Variants in STT3B observed in about 807,000 individuals in gnomAD.
The protein encoded by STT3B is dolichyl-diphosphooligosaccharide--protein glycosyltransferase subunit STT3B.
In STT3B, 29 loss-of-function variants were observed where a neutral mutation model predicts 96.8. That is an observed-to-expected ratio of 0.30 (90% CI 0.22 to 0.41). STT3B has a LOEUF of 0.41. STT3B is among the 10% of genes least tolerant of loss of function. The pLI is 1.00. For synonymous variants in STT3B, 367 were observed against 360.0 expected (o/e 1.02, Z -0.22); for missense variants, 640 against 1,022.3 (o/e 0.63, Z 5.10).
At chr3:31,550,961 A>G (rs1697539541) in intron 1 of STT3B, among the ~76,000 whole-genome samples, 1 of 152,072 alleles carries the variant, frequency 6.6e-6, no homozygotes, top group Non-Finnish European at 1.5e-5. Flanking sequence ...CTCTGTCCCT[A>G]TTAGTGCTGA....
At chr3:31,561,455 T>C (rs754512344) in intron 1 of STT3B, among the ~76,000 whole-genome samples, 6 of 152,144 alleles carry the variant, frequency 3.9e-5, no homozygotes, top group Non-Finnish European at 8.8e-5. Flanking sequence ...TTTTAAAATA[T>C]ACAGTTAGGT....
At chr3:31,628,432 A>G (rs1206274455) in intron 13 of STT3B, among the ~76,000 whole-genome samples, 1 of 152,150 alleles carries the variant, frequency 6.6e-6, no homozygotes, top group Non-Finnish European at 1.5e-5. Flanking sequence ...ACCTGTCACC[A>G]TTGATGGAAT....
intron 14 of STT3B, 47 bp from the exon 15 acceptor site, chr3:31,632,888 A>T: frequency 6.6e-7 from 1 of 1,519,292 alleles, no homozygotes; most frequent in East Asian, 2.3e-5. Context: ...ATAACACTGA[A>T]TGTTTTCCAA....
rs1699455885 is a variant in STT3B, at chr3:31,622,769, T to G, written c.1539+461T>G. 2.0e-5 allele frequency among the ~76,000 whole-genome samples: 3 copies of G among 152,252 alleles called. 1 individual carries two copies. Among genetic ancestry groups the G allele is most frequent in the Middle Eastern group, 6.8e-3 (2 of 294 alleles). On this transcript the variant is annotated intron_variant, in intron 10 of 15. Coordinates refer to ENST00000295770, the MANE Select transcript of STT3B (RefSeq NM_178862.3). ...AGTAAAATGAAGGGAGCAAAATGCC[T>G]TTTTTAAAACCCTCCAGTTCGTTAG...
At chr3:31,598,621 T>A (rs1559380626) in intron 4 of STT3B, among the ~76,000 whole-genome samples, 1 of 152,214 alleles carries the variant, frequency 6.6e-6, no homozygotes, top group Non-Finnish European at 1.5e-5. Flanking sequence ...ATGCATAAGA[T>A]CAGCAAGTAC....
intron 3 of STT3B, among the ~76,000 whole-genome samples, chr3:31,585,082 G>A (rs996250048): frequency 1.3e-5 from 2 of 151,950 alleles, no homozygotes; most frequent in African/African-American, 4.8e-5. Flanking sequence ...TCTTTTAAAA[G>A]GTACATGTTT....
At chr3:31,556,991 G>A (rs1697730789) in intron 1 of STT3B, among the ~76,000 whole-genome samples, 1 of 151,794 alleles carries the variant, frequency 6.6e-6, no homozygotes, top group Non-Finnish European at 1.5e-5. Flanking sequence ...GTTTTTTATT[G>A]TTTTCTTCTA....
At chr3:31,633,947 TTA>T (rs1305068038) in intron 15 of STT3B, among the ~76,000 whole-genome samples, 1 of 152,170 alleles carries the variant, frequency 6.6e-6, no homozygotes, top group Admixed American at 6.5e-5. Flanking sequence ...ATCAGCTATC[TTA>T]TATCATTGAA....
chr3:31,630,327 TTAGTTTCTCCCATATATGTACCCTTCTAC>T (rs964313858), intron 14 of STT3B, among the ~76,000 whole-genome samples: 2 of 152,210 alleles, frequency 1.3e-5, no homozygotes, highest in Admixed American at 6.5e-5. Flanking sequence ...ATTTACTCCA[TTAGTTTCTCCCATATATGTACCCTTCTAC>T]TAGTTTCTCC....
chr3:31,578,164 A>T (rs1206535687), intron 2 of STT3B, among the ~76,000 whole-genome samples: 1 of 152,128 alleles, frequency 6.6e-6, no homozygotes, highest in African/African-American at 2.4e-5. Context: ...GGCTTGATGG[A>T]TGAATAGAAT....
At chr3:31,634,799 A>G (rs1005849466) in intron 15 of STT3B, among the ~76,000 whole-genome samples, 1 of 152,178 alleles carries the variant, frequency 6.6e-6, no homozygotes, top group Non-Finnish European at 1.5e-5. Context: ...TCTCATAGAA[A>G]AAGTATCCTG....
chr3:31,635,849 T>C (rs1559396169), intron 15 of STT3B, 135 bp from the exon 16 acceptor site: 2 of 592,512 alleles, frequency 3.4e-6, no homozygotes, highest in African/African-American at 3.8e-5. Flanking sequence ...TTCACTGAAC[T>C]ATTCAAGGAA....
rs150429104 is a variant in STT3B, at chr3:31,540,716, A to T, written c.314+7404A>T. Among the ~76,000 whole-genome samples, 1,078 of 152,308 alleles carry T rather than the reference A, an allele frequency of 7.1e-3. 12 individuals carry two copies. The highest frequency in any genetic ancestry group is 0.024 in the African/African-American group (996 of 41,560). On this transcript the variant is annotated intron_variant, in intron 1 of 15. Transcript: ENST00000295770. ...ATATATATACAAATACTAATGTTGA[A>T]GGTAAAATTTTATGTTGTTGCCCAT...
intron 12 of STT3B, among the ~76,000 whole-genome samples, chr3:31,625,691 CAT>C (rs2125477372): frequency 6.6e-6 from 1 of 152,286 alleles, no homozygotes; most frequent in South Asian, 2.1e-4. Context: ...CTGCTTTCAT[CAT>C]AAAATGTTAA....
chr3:31,543,078 A>AAAAAT (rs1553601793), intron 1 of STT3B, among the ~76,000 whole-genome samples: 2 of 151,658 alleles, frequency 1.3e-5, no homozygotes, highest in African/African-American at 4.8e-5. Flanking sequence ...AAAAAAAAAA[A>AAAAAT]AAAAAAGAGA....
chr3:31,541,687 C>T (rs1697273868), intron 1 of STT3B, among the ~76,000 whole-genome samples: 1 of 152,134 alleles, frequency 6.6e-6, no homozygotes, highest in Non-Finnish European at 1.5e-5. Context: ...TGTCATTCTC[C>T]TGCCTCAGCC....
chr3:31,554,820 T>C (rs1697664027), intron 1 of STT3B, among the ~76,000 whole-genome samples: 1 of 152,186 alleles, frequency 6.6e-6, no homozygotes, highest in Non-Finnish European at 1.5e-5. Flanking sequence ...ATTTTTATTT[T>C]GCCAGCTGCT....
At chr3:31,547,052 A>T (rs1293662549) in intron 1 of STT3B, among the ~76,000 whole-genome samples, 3 of 152,184 alleles carry the variant, frequency 2.0e-5, no homozygotes, top group African/African-American at 7.2e-5. Flanking sequence ...AAGAATTTAC[A>T]AGTATTTTTA....
intron 3 of STT3B, among the ~76,000 whole-genome samples, chr3:31,581,725 G>A (rs968724897): frequency 6.6e-6 from 1 of 152,186 alleles, no homozygotes; most frequent in Non-Finnish European, 1.5e-5. Flanking sequence ...GTTAGAAGGT[G>A]TTCCCTTCTC....
Sources: gnomAD v4.1 joint callset for allele counts (sites outside exome capture counted in the v4.1 genomes callset) on GRCh38, gnomAD v4.1.1 for gene constraint, MANE v1.5 for transcripts, NCBI Gene and HGNC (gene_info 2026-07-23, HGNC 2026-07-21) for gene names.